The following IL4R variants were observed in gnomAD, a reference collection of about 807,000 sequenced individuals.
IL4R encodes the protein interleukin-4 receptor subunit alpha.
Under a neutral mutation model 41.5 loss-of-function variants are expected in IL4R, and 17 were observed. That is an observed-to-expected ratio of 0.41 (90% CI 0.28 to 0.61). The LOEUF is 0.61. Ranked by LOEUF, IL4R falls within the 20% of genes least tolerant of loss-of-function variation. The pLI, the probability that IL4R is intolerant of heterozygous loss-of-function variation, is 0.31. For synonymous variants in IL4R, 402 were observed against 422.9 expected (o/e 0.95, Z 0.61); for missense variants, 974 against 1,043.1 (o/e 0.93, Z 0.91).
At chr16:27,322,097 T>A (rs1056729864) in intron 1 of IL4R, among the ~76,000 whole-genome samples, 1 of 116,242 alleles carries the variant, frequency 8.6e-6, no homozygotes, top group Admixed American at 9.0e-5. Context: ...GTTATGTCAC[T>A]ATGTGGTTTT....
intron 9 of IL4R, chr16:27,359,855 G>T (rs1209562992): frequency 2.2e-6 from 1 of 455,952 alleles, no homozygotes. Flanking sequence ...AAATGTAGAG[G>T]GTTACAACAA....
chr16:27,339,729 C>T (rs371647266), intron 2 of IL4R, among the ~76,000 whole-genome samples: 1 of 152,066 alleles, frequency 6.6e-6, no homozygotes, highest in African/African-American at 2.4e-5. Flanking sequence ...GCTCTGTGAA[C>T]GTGGAGGACC....
At chr16:27,355,236 T>G in intron 7 of IL4R, 1 of 289,764 alleles carries the variant, frequency 3.5e-6, no homozygotes, top group Non-Finnish European at 7.2e-6. Context: ...GATGGAGCGA[T>G]GGGCAGGGGG....
intron 8 of IL4R, among the ~76,000 whole-genome samples, chr16:27,357,930 GT>G (rs1383004558): frequency 8.3e-6 from 1 of 119,980 alleles, no homozygotes; most frequent in Non-Finnish European, 1.7e-5. Flanking sequence ...GTCTCATGTT[GT>G]CCCCCAGGCT....
At chr16:27,360,293 C>T (rs2086237398) in intron 9 of IL4R, among the ~76,000 whole-genome samples, 1 of 152,242 alleles carries the variant, frequency 6.6e-6, no homozygotes, top group African/African-American at 2.4e-5. Context: ...GGATTACAGG[C>T]GTGAGCCACT....
At chr16:27,322,768 A>G (rs531554278) in intron 1 of IL4R, among the ~76,000 whole-genome samples, 18 of 152,218 alleles carry the variant, frequency 1.2e-4, no homozygotes, top group Non-Finnish European at 5.9e-5. Context: ...TCAAGACATC[A>G]TTGTCATGAA....
intron 6 of IL4R, among the ~76,000 whole-genome samples, chr16:27,350,468 C>A (rs1406446514): frequency 1.3e-5 from 2 of 152,036 alleles, no homozygotes; most frequent in Non-Finnish European, 2.9e-5. Flanking sequence ...TGTGAAAAAA[C>A]CTCCCCTTGG....
At position 27,342,236 on chromosome 16, in the gene IL4R, C is replaced by T. The variant is rs1256212928; in HGVS notation, c.186C>T (p.Tyr62=). The change falls in exon 4 of 11, where the codon TAC becomes TAT. Residue 62 remains tyrosine, a synonymous_variant. Transcript: ENST00000395762. ...GCAGCACCGAGCTCCGCCTGTTGTA[C>T]CAGCTGGTTTTTCTGCTCTCCGAGT... The part of the protein sequence containing the change: ...TNCSTELRLL[Y]QLVFLLSEAH... The T allele has an allele frequency of 1.9e-6, 3 of 1,614,158 alleles. No homozygotes were observed. Among genetic ancestry groups the T allele is most frequent in the Non-Finnish European group, 1.7e-6 (2 of 1,180,020 alleles).
At chr16:27,330,451 TC>T (rs1486631517) in intron 2 of IL4R, among the ~76,000 whole-genome samples, 1 of 151,738 alleles carries the variant, frequency 6.6e-6, no homozygotes, top group Non-Finnish European at 1.5e-5. Context: ...TCTATGCTGT[TC>T]CCCCCGAGGG....
intron 10 of IL4R, 120 bp downstream of exon 10, chr16:27,360,935 A>G: frequency 6.3e-7 from 1 of 1,596,112 alleles, no homozygotes; most frequent in Non-Finnish European, 8.6e-7. Context: ...GCCCTGTGAC[A>G]TTAGCCTTCA....
chr16:27,346,822 G>A (rs1253780003), intron 6 of IL4R, among the ~76,000 whole-genome samples: 1 of 152,200 alleles, frequency 6.6e-6, no homozygotes, highest in African/African-American at 2.4e-5. Context: ...CCTCACATCA[G>A]AGAAGGGGAG....
chr16:27,356,041 G>C, intron 8 of IL4R, 134 bp downstream of exon 8: 1 of 607,548 alleles, frequency 1.6e-6, no homozygotes, highest in South Asian at 1.8e-5. Flanking sequence ...TACACACCTT[G>C]AGAGTAGAGC....
chr16:27,359,019 A>G, intron 9 of IL4R, 25 bp downstream of exon 9: 1 of 1,561,876 alleles, frequency 6.4e-7, no homozygotes, highest in Non-Finnish European at 8.8e-7. Context: ...GGATGAGGAC[A>G]TGTGGGACTG....
intron 2 of IL4R, among the ~76,000 whole-genome samples, chr16:27,338,416 A>C (rs1408270726): frequency 6.6e-6 from 1 of 150,802 alleles, no homozygotes; most frequent in African/African-American, 2.4e-5. Flanking sequence ...ATAAGGTCTC[A>C]CTCTGTTGCC....
chr16:27,358,925 A>G lies in IL4R; in HGVS notation c.780A>G (p.Lys260=). ...LCYVSITKIK[K]EWWDQIPNPA... ...TCCTTTTGTTTTTCAGGATTAAGAA[A>G]GAATGGTGGGATCAGATTCCCAACC... Residue 260 remains lysine, a synonymous_variant, in exon 9 of 11, where the codon AAA becomes AAG. Coordinates refer to ENST00000395762, the MANE Select transcript of IL4R (RefSeq NM_000418.4). 6.2e-7 allele frequency: 1 copy of G among 1,613,674 alleles called. No individual in the cohort carries two copies. The highest frequency in any genetic ancestry group is 8.5e-7 in the Non-Finnish European group (1 of 1,179,554).
At chr16:27,338,803 G>A (rs565482684) in intron 2 of IL4R, among the ~76,000 whole-genome samples, 1 of 152,012 alleles carries the variant, frequency 6.6e-6, no homozygotes, top group Non-Finnish European at 1.5e-5. Context: ...CTAGTGTCGT[G>A]ATCTTGGACT....
intron 10 of IL4R, chr16:27,361,050 T>TTA (rs1433376569): frequency 7.1e-7 from 1 of 1,414,276 alleles, no homozygotes. Context: ...GGGAGTGCTG[T>TTA]TATAGTTAAC....
At chr16:27,353,782 A>T (rs1277545096) in intron 7 of IL4R, among the ~76,000 whole-genome samples, 1 of 152,148 alleles carries the variant, frequency 6.6e-6, no homozygotes, top group Admixed American at 6.6e-5. Flanking sequence ...TACAAGTGGG[A>T]GCCAGTGTTC....
chr16:27,351,230 A>G (rs934586151), intron 6 of IL4R, among the ~76,000 whole-genome samples: 2 of 152,192 alleles, frequency 1.3e-5, no homozygotes, highest in Non-Finnish European at 2.9e-5. Flanking sequence ...TGTTGGTTGT[A>G]GTTAACCCTG....
Sources: allele counts gnomAD v4.1 joint callset (sites outside exome capture counted in the v4.1 genomes callset), GRCh38; gene constraint gnomAD v4.1.1; transcripts MANE v1.5; gene names NCBI Gene and HGNC (gene_info 2026-07-23, HGNC 2026-07-21).